The following GMDS variants were observed in gnomAD, a reference collection of about 807,000 sequenced individuals.
The protein encoded by GMDS is GDP-mannose 4,6-dehydratase.
Under a neutral mutation model 49.9 loss-of-function variants are expected in GMDS, and 20 were observed. The ratio of observed to expected loss-of-function variants is 0.40; its 90% confidence interval spans 0.28 to 0.58. The LOEUF is 0.58. GMDS is among the 20% of genes least tolerant of loss of function. The pLI is 0.42. For missense variants in GMDS, 362 were observed against 481.4 expected (o/e 0.75, Z 2.32); for synonymous variants, 177 against 178.6 (o/e 0.99, Z 0.07).
intron 4 of GMDS, among the ~76,000 whole-genome samples, chr6:2,007,550 T>G (rs1418949764): frequency 6.6e-6 from 1 of 151,408 alleles, no homozygotes; most frequent in Non-Finnish European, 1.5e-5. Flanking sequence ...TTACTTTCAG[T>G]TTTTTCTTTT....
rs543579414 is a variant in GMDS, at chr6:1,799,928, C to T, written c.772-57342G>A. Reference sequence around the variant, plus strand: ...AGATTTGTTTAGATTAACAGACTCTCCAAGGGTTAAGATAGTAGGTCATTC... The same window carrying T: ...AGATTTGTTTAGATTAACAGACTCTTCAAGGGTTAAGATAGTAGGTCATTC... On this transcript the variant is annotated intron_variant, in intron 7 of 10. Coordinates refer to ENST00000380815, the MANE Select transcript of GMDS (RefSeq NM_001500.4). Among the ~76,000 whole-genome samples the T allele has an allele frequency of 2.0e-5, 3 of 152,254 alleles. No individual in the cohort carries two copies. The South Asian group carries it at 6.2e-4, about 32-fold the overall frequency.
At chr6:1,762,362 ACGAAACTT>A (rs1399326572) in intron 7 of GMDS, among the ~76,000 whole-genome samples, 3 of 152,216 alleles carry the variant, frequency 2.0e-5, no homozygotes, top group Non-Finnish European at 4.4e-5. Context: ...GTTACTCACG[ACGAAACTT>A]CAGGGCTGTA....
Position 1,954,843 on chromosome 6 carries a change from G to A in GMDS, c.643+5024C>T, listed in dbSNP as rs190617858. On this transcript the variant is annotated intron_variant, in intron 6 of 10. Transcript: ENST00000380815. ...TCAATATTGTTGTGTCTCAGGGAAC[G>A]GGGCGGCGGTGGCAGGGGGTGGTAA... is the stretch of plus-strand genomic sequence containing the variant. Among the ~76,000 whole-genome samples, 13 of 152,252 alleles carry A rather than the reference G, an allele frequency of 8.5e-5. No individual in the cohort carries two copies. In the East Asian group the frequency reaches 1.4e-3, roughly 16 times the overall value.
At chr6:1,935,046 A>G (rs1762460780) in intron 6 of GMDS, among the ~76,000 whole-genome samples, 1 of 152,226 alleles carries the variant, frequency 6.6e-6, no homozygotes. Flanking sequence ...ATTATAGCAC[A>G]TGTGGATAAT....
chr6:2,142,233 G>A (rs1776335935), intron 1 of GMDS, among the ~76,000 whole-genome samples: 1 of 152,056 alleles, frequency 6.6e-6, no homozygotes, highest in Admixed American at 6.6e-5. Context: ...AACAATACCT[G>A]GCAAAAGCGG....
chr6:1,733,180 G>T (rs1405777331), intron 8 of GMDS, among the ~76,000 whole-genome samples: 11 of 152,204 alleles, frequency 7.2e-5, no homozygotes, highest in Admixed American at 3.9e-4. Context: ...CTAACAGGGT[G>T]GGCAGATGAA....
chr6:1,877,643 TTA>T lies in GMDS; in HGVS notation c.771+52458_771+52459del, dbSNP rs1491258474. 4.2e-4 allele frequency among the ~76,000 whole-genome samples: 22 copies of T among 51,816 alleles called. 1 individual carries two copies. The highest frequency in any genetic ancestry group is 3.4e-3 in the East Asian group (7 of 2,080). 34.0% of individuals were successfully genotyped at this position (51,816 alleles called of 152,430 possible). A position where few individuals can be genotyped will look rare whatever the true frequency, so the allele number is the denominator to read the frequency against. ...ACAGAGTGAGACCCCATCTCAAAAA[TTA>T]AAAAAAAAAAAAAAAAAAAAAAGAC... On this transcript the variant is annotated intron_variant, in intron 7 of 10. Coordinates refer to ENST00000380815, the MANE Select transcript of GMDS (RefSeq NM_001500.4).
chr6:2,161,249 T>C (rs560623238), intron 1 of GMDS, among the ~76,000 whole-genome samples: 2 of 152,254 alleles, frequency 1.3e-5, no homozygotes, highest in East Asian at 1.9e-4. Context: ...GACCTTGTGA[T>C]CCGCCTGCCT....
chr6:2,110,642 G>A (rs1267171348), intron 4 of GMDS, among the ~76,000 whole-genome samples: 1 of 152,030 alleles, frequency 6.6e-6, no homozygotes, highest in East Asian at 1.9e-4. Flanking sequence ...AACTTGTCCC[G>A]CACAACTCTG....
chr6:2,154,733 C>T (rs114776477), intron 1 of GMDS, among the ~76,000 whole-genome samples: 1,798 of 151,432 alleles, frequency 0.012, 14 homozygotes, highest in African/African-American at 0.024. Context: ...ATTATATGAC[C>T]GATCAGAGAA....
chr6:1,870,129 G>A (rs1687350810), intron 7 of GMDS, among the ~76,000 whole-genome samples: 1 of 152,224 alleles, frequency 6.6e-6, no homozygotes, highest in African/African-American at 2.4e-5. Flanking sequence ...CGGTGTCTCT[G>A]GCACTTGAGT....
At chr6:1,979,400 C>G (rs886460035) in intron 4 of GMDS, among the ~76,000 whole-genome samples, 1 of 152,130 alleles carries the variant, frequency 6.6e-6, no homozygotes, top group African/African-American at 2.4e-5. Context: ...ACAATGCAAT[C>G]ACAAATATTA....
chr6:1,812,790 T>A (rs939806620), intron 7 of GMDS, among the ~76,000 whole-genome samples: 5 of 152,222 alleles, frequency 3.3e-5, no homozygotes, highest in Non-Finnish European at 7.3e-5. Flanking sequence ...CATCTGTTTT[T>A]GAAAAGAAAA....
chr6:2,004,098 A>AAGTC (rs1307000596), intron 4 of GMDS, among the ~76,000 whole-genome samples: 1 of 152,228 alleles, frequency 6.6e-6, no homozygotes, highest in African/African-American at 2.4e-5. Context: ...TCAATGAAAT[A>AAGTC]AGTCATCTGG....
chr6:2,058,954 T>C (rs1202403753), intron 4 of GMDS, among the ~76,000 whole-genome samples: 9 of 152,044 alleles, frequency 5.9e-5, no homozygotes, highest in Non-Finnish European at 8.8e-5. Context: ...GGTGAGCAGA[T>C]TGCCTGAGTT....
chr6:1,654,860 A>G (rs1763821541), intron 9 of GMDS, among the ~76,000 whole-genome samples: 1 of 152,140 alleles, frequency 6.6e-6, no homozygotes, highest in Non-Finnish European at 1.5e-5. Context: ...CAAGAGATTG[A>G]GACTATCCTG....
At position 2,245,357 on chromosome 6, in the gene GMDS, G is replaced by A. The variant is rs1019800814; in HGVS notation, c.66C>T (p.Pro22=). Residue 22 remains proline, a synonymous_variant, in exon 1 of 11, where the codon CCC becomes CCT. Coordinates refer to ENST00000380815, the MANE Select transcript of GMDS (RefSeq NM_001500.4). ...RGSGDGEMGK[P]RNVALITGIT... ...TACCGGTGATGAGCGCCACGTTCCT[G>A]GGCTTGCCCATCTCGCCGTCCCCGG... 13 of 1,553,068 alleles carry A rather than the reference G, an allele frequency of 8.4e-6. No homozygotes were observed. The African/African-American group carries it at 1.8e-4, about 21-fold the overall frequency.
intron 7 of GMDS, among the ~76,000 whole-genome samples, chr6:1,795,920 T>C (rs1207134006): frequency 1.3e-5 from 2 of 152,170 alleles, no homozygotes; most frequent in Admixed American, 6.5e-5. Flanking sequence ...AGTGACCCAA[T>C]AAACAGTGAG....
intron 2 of GMDS, among the ~76,000 whole-genome samples, chr6:2,118,246 T>C (rs1350841038): frequency 2.0e-5 from 3 of 152,288 alleles, no homozygotes; most frequent in South Asian, 2.1e-4. Context: ...TTGCCTGATA[T>C]TGAAGAAAAG....
Sources: gnomAD v4.1 joint callset for allele counts (sites outside exome capture counted in the v4.1 genomes callset) on GRCh38, gnomAD v4.1.1 for gene constraint, MANE v1.5 for transcripts, NCBI Gene and HGNC (gene_info 2026-07-23, HGNC 2026-07-21) for gene names.